Variants in LRP1B observed in about 807,000 individuals in gnomAD.
LRP1B encodes the protein LDL receptor related protein 1B.
LRP1B carries 217 observed loss-of-function variants against 556.6 expected under a neutral mutation model. That is an observed-to-expected ratio of 0.39 (90% CI 0.35 to 0.44). The LOEUF is 0.44. LRP1B is among the 20% of genes least tolerant of loss of function. LRP1B has a pLI of 1.00. For missense variants in LRP1B, 5,053 were observed against 5,620.8 expected, an observed-to-expected ratio of 0.90 and a Z score of 3.23; for synonymous variants, 2,047 against 1,865.8, an observed-to-expected ratio of 1.10 and a Z score of -2.50.
At chr2:141,630,051 C>A (rs1429949473) in intron 2 of LRP1B, among the ~76,000 whole-genome samples, 1 of 152,158 alleles carries the variant, frequency 6.6e-6, no homozygotes, top group Non-Finnish European at 1.5e-5. Flanking sequence ...AGGTCCCTCA[C>A]CCCCTATAGC....
chr2:141,228,998 A>T (rs1479411092), intron 6 of LRP1B, among the ~76,000 whole-genome samples, 185 bp downstream of exon 6: 1 of 152,220 alleles, frequency 6.6e-6, no homozygotes, highest in African/African-American at 2.4e-5. Flanking sequence ...TTAAATAGAG[A>T]AAGTTTATGT....
At chr2:142,103,625 C>A (rs1471592783) in intron 1 of LRP1B, among the ~76,000 whole-genome samples, 1 of 151,960 alleles carries the variant, frequency 6.6e-6, no homozygotes, top group Non-Finnish European at 1.5e-5. Context: ...AGAAAGAAGT[C>A]TTGGCCAAAC....
At position 142,115,761 on chromosome 2, in the gene LRP1B, A is replaced by AAT. The variant is rs796418843; in HGVS notation, c.82+14885_82+14886dup. 4.4e-3 allele frequency among the ~76,000 whole-genome samples: 135 copies of AAT among 30,432 alleles called. 47 individuals are homozygous for AAT. Among genetic ancestry groups the AAT allele is most frequent in the African/African-American group, 0.019 (121 of 6,376 alleles). The allele number at this position is 30,432 out of a possible 152,430, so 20.0% of individuals were successfully genotyped here. A position where few individuals can be genotyped will look rare whatever the true frequency, so the allele number is the denominator to read the frequency against. ...TGTAATATATATATTATATATATGT[A>AAT]ATATATATCATATATATGTAATATA... is the stretch of plus-strand genomic sequence containing the variant. On this transcript the variant is annotated intron_variant, in intron 1 of 90. Transcript: ENST00000389484.
chr2:141,043,510 A>C (rs956716617), intron 11 of LRP1B, among the ~76,000 whole-genome samples: 1 of 151,948 alleles, frequency 6.6e-6, no homozygotes, highest in Non-Finnish European at 1.5e-5. Flanking sequence ...TCAAGTCCCC[A>C]GTTTAATTAT....
chr2:140,330,334 A>G (rs1372873067), intron 79 of LRP1B, among the ~76,000 whole-genome samples: 2 of 151,860 alleles, frequency 1.3e-5, no homozygotes, highest in African/African-American at 4.8e-5. Context: ...AAACTATACT[A>G]CAAGGCTATA....
chr2:141,057,027 T>C (rs916157315), intron 9 of LRP1B, among the ~76,000 whole-genome samples: 1 of 151,850 alleles, frequency 6.6e-6, no homozygotes, highest in African/African-American at 2.4e-5. Context: ...CTATCGGCTC[T>C]ATATTTGCCT....
chr2:140,478,426 G>A (rs530527982), intron 59 of LRP1B, among the ~76,000 whole-genome samples: 2 of 152,228 alleles, frequency 1.3e-5, no homozygotes, highest in Admixed American at 1.3e-4. Context: ...TGTGGTTACA[G>A]GCGTGAGCCA....
chr2:141,564,514 C>T (rs1451517869), intron 2 of LRP1B, among the ~76,000 whole-genome samples: 2 of 152,032 alleles, frequency 1.3e-5, no homozygotes, highest in African/African-American at 2.4e-5. Flanking sequence ...AGAAATTATT[C>T]GAATTTGAAT....
rs1278310214 is a variant in LRP1B, at chr2:140,770,485, C to A, written c.5626+396G>T. Among the ~76,000 whole-genome samples the A allele has an allele frequency of 2.0e-5, 3 of 151,954 alleles. No individual in the cohort carries two copies. In the East Asian group the frequency reaches 5.8e-4, roughly 29 times the overall value. On this transcript the variant is annotated intron_variant, in intron 34 of 90. Transcript: ENST00000389484. The stretch of plus-strand genomic sequence containing the variant: ...TCAGTTATGCAAACCTGAGACCTCA[C>A]ATTCTCTCTAGTGCTTCCTCTAATA...
Position 141,188,569 on chromosome 2 carries a change from C to T in LRP1B, c.865G>A (p.Ala289Thr), listed in dbSNP as rs766654975. The change falls in exon 7 of 91, where the codon GCG (alanine) becomes ACG (threonine). Residue 289 changes from alanine to threonine, a missense_variant. By Grantham distance (58) the Ala-to-Thr change is moderately conservative. Coordinates refer to ENST00000389484, the MANE Select transcript of LRP1B (RefSeq NM_018557.3). ...LQSFHNVQQM[A>T]IDWLTRNLYF... ...AGATTTCGAGTGAGCCAGTCAATCG[C>T]CATTTGTTGCACATCTGAAAAACAC... 6.2e-7 allele frequency: 1 copy of T among 1,611,934 alleles called. No individual in the cohort carries two copies. The highest frequency in any genetic ancestry group is 8.5e-7 in the Non-Finnish European group (1 of 1,178,894).
At chr2:140,583,176 T>TTTTC (rs1558983621) in intron 43 of LRP1B, among the ~76,000 whole-genome samples, 1 of 86,110 alleles carries the variant, frequency 1.2e-5, no homozygotes. Flanking sequence ...TTTTTCTTTT[T>TTTTC]TTTTTTTTTT....
At chr2:142,037,588 C>G (rs986181769) in intron 1 of LRP1B, among the ~76,000 whole-genome samples, 1 of 151,538 alleles carries the variant, frequency 6.6e-6, no homozygotes, top group Non-Finnish European at 1.5e-5. Flanking sequence ...CTATTCCTTA[C>G]AATTAAAAGA....
intron 18 of LRP1B, among the ~76,000 whole-genome samples, chr2:140,978,094 T>C (rs767205230): frequency 9.2e-5 from 14 of 152,192 alleles, no homozygotes; most frequent in Non-Finnish European, 1.8e-4. Flanking sequence ...ACTAAAAAAG[T>C]TAAACAACTG....
chr2:141,684,113 A>G (rs1405300282), intron 2 of LRP1B, among the ~76,000 whole-genome samples: 3 of 152,096 alleles, frequency 2.0e-5, no homozygotes, highest in Non-Finnish European at 4.4e-5. Context: ...GTATATACCC[A>G]AAGGATTATA....
intron 2 of LRP1B, among the ~76,000 whole-genome samples, chr2:141,683,821 C>T (rs983920770): frequency 8.6e-5 from 13 of 152,022 alleles, no homozygotes; most frequent in Non-Finnish European, 1.3e-4. Context: ...CCTTTGCTAG[C>T]GGCTTAAAAG....
At chr2:141,580,967 A>G (rs182595233) in intron 2 of LRP1B, among the ~76,000 whole-genome samples, 38 of 152,308 alleles carry the variant, frequency 2.5e-4, no homozygotes. Context: ...TAGTTATTGG[A>G]ATACTTCTGC....
At chr2:141,786,412 G>A (rs1416520038) in intron 2 of LRP1B, among the ~76,000 whole-genome samples, 1 of 151,832 alleles carries the variant, frequency 6.6e-6, no homozygotes, top group Non-Finnish European at 1.5e-5. Context: ...CAATAGAGAA[G>A]GCTAGTATGG....
intron 2 of LRP1B, among the ~76,000 whole-genome samples, chr2:141,795,570 G>C (rs1375839333): frequency 4.0e-5 from 6 of 151,748 alleles, no homozygotes; most frequent in African/African-American, 1.5e-4. Context: ...ATGACAGGCA[G>C]TCAGTACAAA....
chr2:141,398,504 C>T (rs550738303), intron 3 of LRP1B, among the ~76,000 whole-genome samples: 7 of 152,138 alleles, frequency 4.6e-5, no homozygotes, highest in African/African-American at 1.7e-4. Context: ...TTTTCTTTTC[C>T]GATCCCCAGG....
Sources: allele counts gnomAD v4.1 joint callset (sites outside exome capture counted in the v4.1 genomes callset), GRCh38; gene constraint gnomAD v4.1.1; transcripts MANE v1.5; gene names NCBI Gene and HGNC (gene_info 2026-07-23, HGNC 2026-07-21).